The following VWA3B variants were observed in gnomAD, a reference collection of about 807,000 sequenced individuals.
VWA3B encodes von Willebrand factor A domain-containing protein 3B.
In VWA3B, 138 loss-of-function variants were observed where a neutral mutation model predicts 158.3. The observed-to-expected ratio is 0.87, with a 90% CI of 0.76 to 1.00. The LOEUF (loss-of-function observed/expected upper bound fraction) is 1.00. Ranked by LOEUF, VWA3B falls within the 50% of genes least tolerant of loss-of-function variation. VWA3B has a pLI of 0.00. For synonymous variants in VWA3B, 596 were observed against 587.3 expected (o/e 1.01, Z -0.21); for missense variants, 1,555 against 1,565.1 (o/e 0.99, Z 0.11).
At chr2:98,216,810 C>A in intron 13 of VWA3B, 1 of 616,352 alleles carries the variant, frequency 1.6e-6, no homozygotes, top group Non-Finnish European at 2.8e-6. Context: ...AGTATCAGTT[C>A]TGAGCCACAG....
At chr2:98,182,456 G>T (rs533184997) in intron 9 of VWA3B, among the ~76,000 whole-genome samples, 10 of 152,222 alleles carry the variant, frequency 6.6e-5, no homozygotes, top group Non-Finnish European at 1.5e-4. Flanking sequence ...AACTGAATTA[G>T]AAAAATGCAG....
At chr2:98,280,603 G>A (rs938975003) in intron 22 of VWA3B, among the ~76,000 whole-genome samples, 2 of 152,230 alleles carry the variant, frequency 1.3e-5, no homozygotes, top group South Asian at 2.1e-4. Context: ...AGGCCAGACC[G>A]CTCACCAGGC....
At position 98,258,994 on chromosome 2, in the gene VWA3B, C is replaced by T. The variant is rs1687322102; in HGVS notation, c.2843+2820C>T. Among the ~76,000 whole-genome samples the T allele has an allele frequency of 2.6e-5, 4 of 151,584 alleles. No homozygotes were observed. In the South Asian group the frequency reaches 8.3e-4, roughly 32 times the overall value. On this transcript the variant is annotated intron_variant, in intron 21 of 27. Transcript: ENST00000477737. ...ATGAAAAGTGTGTGTTAAATTTTGT[C>T]AAGTGCTTTTTTCTGTATCTATTGA...
At chr2:98,203,085 C>G (rs1192330712) in intron 12 of VWA3B, among the ~76,000 whole-genome samples, 1 of 152,216 alleles carries the variant, frequency 6.6e-6, no homozygotes, top group Non-Finnish European at 1.5e-5. Flanking sequence ...CCCGCCTTGG[C>G]CTCCCAAAGT....
At chr2:98,271,617 G>A (rs62157899) in intron 22 of VWA3B, among the ~76,000 whole-genome samples, 5,909 of 152,202 alleles carry the variant, frequency 0.039, 169 homozygotes, top group Middle Eastern at 0.075. Flanking sequence ...CATGGTGTGA[G>A]TATACCCTGG....
chr2:98,216,337 C>T (rs954384380), intron 13 of VWA3B, among the ~76,000 whole-genome samples: 8 of 152,216 alleles, frequency 5.3e-5, no homozygotes, highest in African/African-American at 7.2e-5. Context: ...GCTTTGGCTG[C>T]GGTCATTTTG....
At chr2:98,171,347 G>C (rs1290019579) in intron 8 of VWA3B, among the ~76,000 whole-genome samples, 1 of 152,180 alleles carries the variant, frequency 6.6e-6, no homozygotes, top group African/African-American at 2.4e-5. Context: ...TCAAGGAAAG[G>C]TTTCCTGAGG....
At chr2:98,109,271 C>T (rs1001041175) in intron 2 of VWA3B, among the ~76,000 whole-genome samples, 4 of 152,112 alleles carry the variant, frequency 2.6e-5, no homozygotes, top group East Asian at 1.9e-4. Flanking sequence ...GGATTACAGG[C>T]GTGAGCCACC....
intron 8 of VWA3B, among the ~76,000 whole-genome samples, chr2:98,180,608 T>A (rs561992773): frequency 3.7e-4 from 57 of 152,210 alleles, no homozygotes; most frequent in Non-Finnish European, 7.6e-4. Context: ...GTGGAGTGAC[T>A]CACCCAAGTT....
chr2:98,323,557 G>A, the VWA3B span, among the ~76,000 whole-genome samples: 1 of 151,796 alleles, frequency 6.6e-6, no homozygotes, highest in African/African-American at 2.4e-5. Context: ...TCCAAAATGT[G>A]GTAGAAAATG....
At chr2:98,088,003 T>C (rs1681985910) in intron 1 of VWA3B, among the ~76,000 whole-genome samples, 1 of 152,168 alleles carries the variant, frequency 6.6e-6, no homozygotes, top group African/African-American at 2.4e-5. Flanking sequence ...GGACAGTCCG[T>C]TTCAATATCC....
At position 98,284,326 on chromosome 2, in the gene VWA3B, C is replaced by A. The variant is rs1200115984; in HGVS notation, c.3046-6185C>A. ...CGTATTTCCGCTTATTTTAATGAAC[C>A]TAAAAAGCATCTCCAAACAGGTCCA... On this transcript the variant is annotated intron_variant, in intron 22 of 27. Transcript: ENST00000477737. 3.3e-5 allele frequency among the ~76,000 whole-genome samples: 5 copies of A among 152,086 alleles called. No homozygotes were observed. In the South Asian group the frequency reaches 8.3e-4, roughly 25 times the overall value.
At chr2:98,093,037 C>A in intron 1 of VWA3B, 24 bp from the exon 2 acceptor site, 5 of 1,552,044 alleles carry the variant, frequency 3.2e-6, no homozygotes, top group South Asian at 1.2e-5. Flanking sequence ...TTTAGGAAGT[C>A]TGAGTTTATG....
chr2:98,213,782 G>A (rs1427606552), intron 13 of VWA3B, among the ~76,000 whole-genome samples: 3 of 152,062 alleles, frequency 2.0e-5, no homozygotes, highest in South Asian at 2.1e-4. Flanking sequence ...TGAAGATTCC[G>A]ACTTGAGAGA....
Position 98,230,216 on chromosome 2 carries a change from G to A in VWA3B, c.2308+9G>A. ...GAAAGTCCTTCACGCAGGTATCAGT[G>A]AACAAAATGGCTTGACTCTTTGCTG... On this transcript the variant is annotated intron_variant, in intron 16 of 27. Coordinates refer to ENST00000477737, the MANE Select transcript of VWA3B (RefSeq NM_144992.5). 1 of 1,538,400 alleles carries A rather than the reference G, an allele frequency of 6.5e-7. No homozygotes were observed. Among genetic ancestry groups the A allele is most frequent in the South Asian group, 1.3e-5 (1 of 77,298 alleles).
chr2:98,318,271 G>A (rs1361698413), downstream of VWA3B, among the ~76,000 whole-genome samples: 2 of 152,104 alleles, frequency 1.3e-5, no homozygotes, highest in South Asian at 2.1e-4. Flanking sequence ...ACATGTATGT[G>A]TATGTTTATT....
At chr2:98,240,383 T>C (rs1280856579) in intron 19 of VWA3B, among the ~76,000 whole-genome samples, 1 of 152,208 alleles carries the variant, frequency 6.6e-6, no homozygotes, top group African/African-American at 2.4e-5. Context: ...TTCCTTCCCC[T>C]CTTACAAACA....
chr2:98,278,171 A>G (rs529340795), intron 22 of VWA3B, among the ~76,000 whole-genome samples: 1 of 152,292 alleles, frequency 6.6e-6, no homozygotes, highest in Non-Finnish European at 1.5e-5. Flanking sequence ...TGACCCCTTC[A>G]TGGGACTTGC....
At chr2:98,164,097 G>C (rs1322393435) in intron 8 of VWA3B, among the ~76,000 whole-genome samples, 1 of 152,142 alleles carries the variant, frequency 6.6e-6, no homozygotes, top group African/African-American at 2.4e-5. Context: ...CATCCACGCT[G>C]TCTGTGTCTG....
Sources: allele counts gnomAD v4.1 joint callset (sites outside exome capture counted in the v4.1 genomes callset), GRCh38; gene constraint gnomAD v4.1.1; transcripts MANE v1.5; gene names NCBI Gene and HGNC (gene_info 2026-07-23, HGNC 2026-07-21).